Variants in CNGB3 observed in about 807,000 individuals in gnomAD.
CNGB3 encodes the protein cyclic nucleotide gated channel subunit beta 3, also known as cyclic nucleotide-gated channel beta-3.
A neutral mutation model predicts 92.8 loss-of-function variants in CNGB3; 86 were observed. The ratio of observed to expected loss-of-function variants is 0.93; its 90% CI spans 0.78 to 1.11. The LOEUF (loss-of-function observed/expected upper bound fraction) is 1.11, where lower values mean the gene tolerates loss of function less well. CNGB3 is among the 50% of genes least tolerant of loss of function. The probability of loss-of-function intolerance (pLI) is 0.00; values close to 1 mark genes in which losing one functional copy is unlikely to be tolerated. For missense variants in CNGB3, 1,026 were observed against 956.8 expected (o/e 1.07, Z -0.95); for synonymous variants, 333 against 332.7 (o/e 1.00, Z -0.01).
chr8:86,659,541 G>C, intron 6 of CNGB3: 2 of 588,630 alleles, frequency 3.4e-6, no homozygotes, highest in Non-Finnish European at 6.4e-6. Context: ...CTCTCTCCTT[G>C]GTTAACTCTT....
At chr8:86,719,074 G>A (rs1307059676) in intron 3 of CNGB3, among the ~76,000 whole-genome samples, 2 of 151,338 alleles carry the variant, frequency 1.3e-5, no homozygotes, top group African/African-American at 4.9e-5. Flanking sequence ...ATACTAGATG[G>A]GGAAAAGTTG....
intron 15 of CNGB3, among the ~76,000 whole-genome samples, chr8:86,583,756 C>CA (rs923678668): frequency 1.6e-4 from 24 of 151,622 alleles, no homozygotes; most frequent in Non-Finnish European, 4.4e-5. Context: ...CCCATCTCTA[C>CA]AAAAAATACA....
chr8:86,724,400 TCTC>T (rs1825022655), intron 3 of CNGB3, among the ~76,000 whole-genome samples: 1 of 152,166 alleles, frequency 6.6e-6, no homozygotes, highest in African/African-American at 2.4e-5. Flanking sequence ...TGTGTCTTGC[TCTC>T]CTCCTGGAGA....
chr8:86,635,820 T>TGA (rs1563735298), intron 10 of CNGB3, among the ~76,000 whole-genome samples: 49 of 62,132 alleles, frequency 7.9e-4, no homozygotes, highest in Non-Finnish European at 9.6e-4. Context: ...GTATAACACA[T>TGA]GATATATATA....
chr8:86,659,831 T>C, intron 6 of CNGB3: 1 of 408,556 alleles, frequency 2.4e-6, no homozygotes, highest in Non-Finnish European at 4.8e-6. Context: ...CCAGAATTTC[T>C]TGGTTTTGTT....
At chr8:86,636,749 C>A (rs2131588967) in intron 10 of CNGB3, among the ~76,000 whole-genome samples, 1 of 152,098 alleles carries the variant, frequency 6.6e-6, no homozygotes, top group South Asian at 2.1e-4. Flanking sequence ...CCCCATTATC[C>A]CTTTCCTCCA....
chr8:86,725,021 G>A (rs527999137), intron 3 of CNGB3, among the ~76,000 whole-genome samples: 3 of 152,068 alleles, frequency 2.0e-5, no homozygotes, highest in African/African-American at 4.8e-5. Flanking sequence ...TAATTGAAAG[G>A]TTTCCACTTC....
intron 2 of CNGB3, among the ~76,000 whole-genome samples, chr8:86,734,159 G>T (rs1825206605): frequency 6.6e-6 from 1 of 152,262 alleles, no homozygotes; most frequent in East Asian, 1.9e-4. Flanking sequence ...TGCCTGGCCA[G>T]CTTTATTATT....
At chr8:86,608,557 G>T (rs1023461310) in intron 14 of CNGB3, among the ~76,000 whole-genome samples, 17 of 152,212 alleles carry the variant, frequency 1.1e-4, no homozygotes, top group Admixed American at 2.0e-4. Context: ...GTTATCCGGA[G>T]GCCTAACCGT....
intron 15 of CNGB3, among the ~76,000 whole-genome samples, chr8:86,601,035 A>T (rs1361249226): frequency 1.3e-5 from 2 of 152,092 alleles, no homozygotes; most frequent in African/African-American, 4.8e-5. Flanking sequence ...ATGAAATGCT[A>T]TGGAAGCATA....
intron 10 of CNGB3, among the ~76,000 whole-genome samples, chr8:86,634,529 A>G (rs899693777): frequency 1.3e-5 from 2 of 152,116 alleles, no homozygotes; most frequent in Admixed American, 6.6e-5. Flanking sequence ...GTAATTCTAC[A>G]TAGCTCTGAT....
At chr8:86,714,774 T>C (rs1427074055) in intron 3 of CNGB3, among the ~76,000 whole-genome samples, 1 of 152,126 alleles carries the variant, frequency 6.6e-6, no homozygotes, top group Non-Finnish European at 1.5e-5. Flanking sequence ...ACTGGCTGCC[T>C]GGAAATAGAC....
chr8:86,660,961 C>T (rs1465848320), intron 6 of CNGB3, among the ~76,000 whole-genome samples: 1 of 152,146 alleles, frequency 6.6e-6, no homozygotes, highest in Non-Finnish European at 1.5e-5. Context: ...GAGCCATGGT[C>T]CAGAAACACA....
chr8:86,630,689 G>A (rs1585980199), intron 11 of CNGB3, among the ~76,000 whole-genome samples: 2 of 152,078 alleles, frequency 1.3e-5, no homozygotes, highest in East Asian at 1.9e-4. Flanking sequence ...AACATAGTGA[G>A]ACTCTGTTTC....
chr8:86,738,880 A>G (rs1404485593), intron 2 of CNGB3, among the ~76,000 whole-genome samples: 3 of 150,216 alleles, frequency 2.0e-5, no homozygotes, highest in Non-Finnish European at 4.4e-5. Context: ...CAGGGTCCTT[A>G]TGAAAGGAGA....
At chr8:86,672,937 T>C (rs922994559) in intron 3 of CNGB3, among the ~76,000 whole-genome samples, 4 of 152,336 alleles carry the variant, frequency 2.6e-5, no homozygotes, top group Admixed American at 1.3e-4. Context: ...TTCAGATTCA[T>C]CTTCAACAGT....
intron 11 of CNGB3, among the ~76,000 whole-genome samples, chr8:86,631,644 A>G (rs559290562): frequency 2.0e-5 from 3 of 152,244 alleles, no homozygotes; most frequent in African/African-American, 7.2e-5. Flanking sequence ...TTCCTATTTC[A>G]TTGTTAATAT....
chr8:86,598,458 A>G (rs1199206054), intron 15 of CNGB3, among the ~76,000 whole-genome samples: 1 of 152,222 alleles, frequency 6.6e-6, no homozygotes, highest in Non-Finnish European at 1.5e-5. Flanking sequence ...TTTGAAAGTG[A>G]ACAATTTAAA....
intron 15 of CNGB3, among the ~76,000 whole-genome samples, chr8:86,600,614 C>CT (rs559441292): frequency 0.013 from 1,743 of 135,412 alleles, 44 homozygotes; most frequent in African/African-American, 0.042. Context: ...TTTTTTTTTT[C>CT]TTTTTTTTTT....
Sources: allele counts gnomAD v4.1 joint callset (sites outside exome capture counted in the v4.1 genomes callset), GRCh38; gene constraint gnomAD v4.1.1; transcripts MANE v1.5; gene names NCBI Gene and HGNC (gene_info 2026-07-23, HGNC 2026-07-21).